HMGN5: variants seen among roughly 807,000 people sequenced by gnomAD.
The protein encoded by HMGN5 is high mobility group nucleosome binding domain 5.
A neutral mutation model predicts 9.5 loss-of-function variants in HMGN5; 4 were observed. The observed-to-expected ratio is 0.42, with a 90% CI of 0.21 to 0.96. The LOEUF (loss-of-function observed/expected upper bound fraction) is 0.96. Among genes scored for constraint, HMGN5 ranks in the 40% least tolerant of loss-of-function variants. The probability of loss-of-function intolerance (pLI) is 0.30; values close to 1 mark genes in which losing one functional copy is unlikely to be tolerated. For synonymous variants in HMGN5, 55 were observed against 57.1 expected (o/e 0.96, Z 0.16); for missense variants, 192 against 187.5 (o/e 1.02, Z -0.14).
At chrX:81,179,075 A>G (rs777803744) in intron 1 of HMGN5, among the ~76,000 whole-genome samples, 1 of 111,897 alleles carries the variant, frequency 8.9e-6, no homozygotes, top group South Asian at 3.8e-4. Flanking sequence ...GCTATTTATG[A>G]CAAACCCACA....
chrX:81,149,051 G>A (rs750667111), intron 1 of HMGN5, among the ~76,000 whole-genome samples: 98 of 111,791 alleles, frequency 8.8e-4, no homozygotes, highest in Non-Finnish European at 1.3e-3. Context: ...TAGTTCAACC[G>A]TTGTGGAATC....
intron 1 of HMGN5, among the ~76,000 whole-genome samples, chrX:81,172,680 C>T (rs1723503310): frequency 9.1e-6 from 1 of 110,243 alleles, no homozygotes; most frequent in African/African-American, 3.3e-5. Flanking sequence ...ATAATATCAA[C>T]TACTTTAAAA....
At chrX:81,179,748 A>G (rs2075455368) in intron 1 of HMGN5, among the ~76,000 whole-genome samples, 1 of 111,778 alleles carries the variant, frequency 8.9e-6, no homozygotes, top group Non-Finnish European at 1.9e-5. Flanking sequence ...TTGCCCAGAC[A>G]ATCCTAAGCA....
intron 1 of HMGN5, among the ~76,000 whole-genome samples, chrX:81,156,393 G>A (rs2075383091): frequency 1.8e-5 from 2 of 111,518 alleles, no homozygotes; most frequent in South Asian, 3.7e-4. Flanking sequence ...TGAGGCCTCA[G>A]CCTAAAGTTT....
chrX:81,169,202 T>G (rs10284080), intron 1 of HMGN5, among the ~76,000 whole-genome samples: 10 of 111,645 alleles, frequency 9.0e-5, no homozygotes, highest in Non-Finnish European at 1.5e-4. Context: ...CCAGTTTTGT[T>G]CTATCACTCT....
intron 1 of HMGN5, among the ~76,000 whole-genome samples, chrX:81,145,449 A>G (rs1185319721): frequency 1.8e-5 from 2 of 112,021 alleles, no homozygotes; most frequent in Non-Finnish European, 3.8e-5. Context: ...AGACAAGCAA[A>G]TGCTGAGATA....
intron 1 of HMGN5, among the ~76,000 whole-genome samples, chrX:81,146,623 C>A (rs181273980): frequency 9.0e-6 from 1 of 111,463 alleles, no homozygotes. Flanking sequence ...CAAAAGCTAG[C>A]AGAAGACAAG....
intron 1 of HMGN5, among the ~76,000 whole-genome samples, chrX:81,193,686 G>A (rs1278046191): frequency 1.8e-5 from 2 of 112,050 alleles, no homozygotes; most frequent in Non-Finnish European, 3.8e-5. Flanking sequence ...CATTTTTTAT[G>A]GTTGATGTTA....
At chrX:81,175,894 T>C (rs73631729) in intron 1 of HMGN5, among the ~76,000 whole-genome samples, 2,117 of 111,797 alleles carry the variant, frequency 0.019, 47 homozygotes, top group African/African-American at 0.065. Flanking sequence ...GATTTCTGCA[T>C]TTCCAACTGA....
chrX:81,193,579 A>T (rs1412166310), intron 1 of HMGN5, among the ~76,000 whole-genome samples: 1 of 112,068 alleles, frequency 8.9e-6, no homozygotes, highest in Non-Finnish European at 1.9e-5. Flanking sequence ...TTGTTACACA[A>T]CAATGGTGAA....
intron 1 of HMGN5, among the ~76,000 whole-genome samples, chrX:81,178,882 C>T (rs921789166): frequency 1.8e-5 from 2 of 111,647 alleles, no homozygotes; most frequent in Non-Finnish European, 3.8e-5. Context: ...CCCTGGGATG[C>T]AAGGCTGGTT....
At chrX:81,186,703 G>A (rs1406126224) in intron 1 of HMGN5, among the ~76,000 whole-genome samples, 1 of 109,748 alleles carries the variant, frequency 9.1e-6, no homozygotes, top group Non-Finnish European at 1.9e-5. Flanking sequence ...TAATTTTTTG[G>A]GTACATAGTA....
At chrX:81,168,126 C>T (rs2075416072) in intron 1 of HMGN5, among the ~76,000 whole-genome samples, 1 of 111,940 alleles carries the variant, frequency 8.9e-6, no homozygotes, top group Non-Finnish European at 1.9e-5. Flanking sequence ...TCACAGTTGC[C>T]TAGATTTTAT....
chrX:81,186,737 T>C (rs1451763472), intron 1 of HMGN5, among the ~76,000 whole-genome samples: 2 of 111,313 alleles, frequency 1.8e-5, no homozygotes, highest in African/African-American at 6.5e-5. Context: ...ATGGGGTACA[T>C]GAGATGTTTT....
intron 1 of HMGN5, among the ~76,000 whole-genome samples, chrX:81,199,284 G>A (rs1292115952): frequency 8.9e-6 from 1 of 111,790 alleles, no homozygotes; most frequent in Non-Finnish European, 1.9e-5. Context: ...AATCAATATC[G>A]TGAAAATGGC....
intron 1 of HMGN5, among the ~76,000 whole-genome samples, chrX:81,196,374 G>A (rs1050062885): frequency 9.2e-6 from 1 of 108,669 alleles, no homozygotes; most frequent in Non-Finnish European, 1.9e-5. Flanking sequence ...ATTTGGTTAC[G>A]CTTTGTGTCC....
At chrX:81,145,781 G>A (rs2075341868) in intron 1 of HMGN5, among the ~76,000 whole-genome samples, 1 of 111,235 alleles carries the variant, frequency 9.0e-6, no homozygotes, top group Non-Finnish European at 1.9e-5. Flanking sequence ...GACAAACATA[G>A]GCTCAAAATA....
At chrX:81,169,188 TA>T (rs771123688) in intron 1 of HMGN5, among the ~76,000 whole-genome samples, 1 of 111,378 alleles carries the variant, frequency 9.0e-6, no homozygotes, top group Non-Finnish European at 1.9e-5. Context: ...ACCTGGATAA[TA>T]GCCCAGTTTT....
At chrX:81,192,024 T>C (rs1196918141) in intron 1 of HMGN5, among the ~76,000 whole-genome samples, 2 of 111,654 alleles carry the variant, frequency 1.8e-5, no homozygotes, top group Non-Finnish European at 3.8e-5. Context: ...CTTGACTGCA[T>C]TATGTTCTCC....
Sources: allele counts gnomAD v4.1 joint callset (sites outside exome capture counted in the v4.1 genomes callset), GRCh38; gene constraint gnomAD v4.1.1; transcripts MANE v1.5; gene names NCBI Gene and HGNC (gene_info 2026-07-23, HGNC 2026-07-21).